Variants in MARK1 observed in about 807,000 individuals in gnomAD.
The protein encoded by MARK1 is serine/threonine-protein kinase MARK1.
MARK1 carries 40 observed loss-of-function variants against 96.3 expected under a neutral mutation model. That is an observed-to-expected ratio of 0.42 (90% CI 0.32 to 0.54). The LOEUF (loss-of-function observed/expected upper bound fraction) is 0.54, where lower values mean the gene tolerates loss of function less well. Ranked by LOEUF, MARK1 falls within the 20% of genes least tolerant of loss-of-function variation. MARK1 has a pLI of 0.16. For missense variants in MARK1, 719 were observed against 984.6 expected (o/e 0.73, Z 3.61); for synonymous variants, 317 against 341.2 (o/e 0.93, Z 0.78).
chr1:220,543,527 T>C (rs1661283607), intron 1 of MARK1, among the ~76,000 whole-genome samples: 3 of 152,206 alleles, frequency 2.0e-5, no homozygotes, highest in Non-Finnish European at 4.4e-5. Flanking sequence ...CCTTGGACTG[T>C]AGTTTAGAGG....
intron 1 of MARK1, among the ~76,000 whole-genome samples, chr1:220,530,151 TCTA>T (rs946298045): frequency 8.5e-5 from 13 of 152,190 alleles, no homozygotes; most frequent in African/African-American, 3.1e-4. Flanking sequence ...GAGAAGAAAT[TCTA>T]CTAAGAGACC....
At position 220,565,558 on chromosome 1, in the gene MARK1, A is replaced by G. The variant is rs1890108; in HGVS notation, c.52-13796A>G. Among the ~76,000 whole-genome samples the G allele has an allele frequency of 3.9e-3, 590 of 152,082 alleles. 21 individuals carry two copies. In the East Asian group the frequency reaches 0.087, roughly 23 times the overall value. On this transcript the variant is annotated intron_variant, in intron 1 of 17. Coordinates refer to ENST00000366917, the MANE Select transcript of MARK1 (RefSeq NM_018650.5). Reference sequence around the variant, plus strand: ...AGCCCCTGGTCTTGGATTGCCTATGAAGAGCGGGGGTCGGGGGGAGGGAGG... The same window carrying G: ...AGCCCCTGGTCTTGGATTGCCTATGGAGAGCGGGGGTCGGGGGGAGGGAGG...
chr1:220,614,018 T>C (rs918863074), intron 6 of MARK1, among the ~76,000 whole-genome samples: 1 of 152,198 alleles, frequency 6.6e-6, no homozygotes, highest in Non-Finnish European at 1.5e-5. Context: ...TGTTTGTTTG[T>C]TGTTTTTGAG....
chr1:220,614,841 A>G (rs1225441760), intron 6 of MARK1, among the ~76,000 whole-genome samples: 3 of 152,136 alleles, frequency 2.0e-5, no homozygotes, highest in East Asian at 3.8e-4. Context: ...AACCATTTTA[A>G]TATACATTAG....
chr1:220,606,123 T>G (rs980848687), intron 6 of MARK1, among the ~76,000 whole-genome samples: 19 of 152,212 alleles, frequency 1.2e-4, no homozygotes, highest in Admixed American at 3.9e-4. Flanking sequence ...TAATTTACAC[T>G]CCCACCCACA....
At chr1:220,648,076 AG>A (rs1363523390) in intron 13 of MARK1, among the ~76,000 whole-genome samples, 6 of 151,912 alleles carry the variant, frequency 3.9e-5, no homozygotes, top group Admixed American at 3.9e-4. Context: ...AAAAAAAAAA[AG>A]AAACAACATT....
At chr1:220,627,808 G>A (rs551100993) in intron 9 of MARK1, 2 of 154,596 alleles carry the variant, frequency 1.3e-5, no homozygotes, top group African/African-American at 4.8e-5. Flanking sequence ...TTCTAGAAGG[G>A]GTGGCCAGGT....
intron 3 of MARK1, among the ~76,000 whole-genome samples, chr1:220,593,819 T>A (rs550865318): frequency 5.3e-5 from 8 of 152,112 alleles, no homozygotes; most frequent in Non-Finnish European, 1.2e-4. Context: ...CTGTTGTCAG[T>A]CCTGGGTAGG....
intron 1 of MARK1, among the ~76,000 whole-genome samples, chr1:220,530,154 A>G (rs1004075571): frequency 6.6e-6 from 1 of 152,214 alleles, no homozygotes; most frequent in African/African-American, 2.4e-5. Context: ...AAGAAATTCT[A>G]CTAAGAGACC....
intron 13 of MARK1, among the ~76,000 whole-genome samples, chr1:220,642,078 A>G (rs1334167701): frequency 6.6e-6 from 1 of 152,162 alleles, no homozygotes; most frequent in African/African-American, 2.4e-5. Flanking sequence ...CCAGAAAGGC[A>G]AGAGATTTGT....
chr1:220,610,968 C>CCTGGGACA (rs1666405397), intron 6 of MARK1, among the ~76,000 whole-genome samples: 2 of 152,260 alleles, frequency 1.3e-5, no homozygotes, highest in South Asian at 4.2e-4. Flanking sequence ...GGGGCAGCCA[C>CCTGGGACA]CTATATGAGG....
At chr1:220,604,388 T>G (rs1365303361) in intron 6 of MARK1, among the ~76,000 whole-genome samples, 2 of 152,064 alleles carry the variant, frequency 1.3e-5, no homozygotes, top group Non-Finnish European at 2.9e-5. Context: ...ATTAAGACTC[T>G]CTGAGAGTCC....
In MARK1 at chr1:220,549,921, T is replaced by C. The variant is rs542760979; in HGVS notation, c.51+21048T>C. On this transcript the variant is annotated intron_variant, in intron 1 of 17. Transcript: ENST00000366917. The stretch of plus-strand genomic sequence containing the variant: ...TGTAATAATAGATGTTCAGTAATGG[T>C]ATCAAAGAAGCAAGGAATCAAACCA... 3.3e-5 allele frequency among the ~76,000 whole-genome samples: 5 copies of C among 152,352 alleles called. No individual in the cohort carries two copies. In the East Asian group the frequency reaches 9.6e-4, roughly 29 times the overall value.
At chr1:220,560,524 C>T (rs1662596030) in intron 1 of MARK1, among the ~76,000 whole-genome samples, 1 of 152,102 alleles carries the variant, frequency 6.6e-6, no homozygotes, top group African/African-American at 2.4e-5. Flanking sequence ...TGCACTTGGA[C>T]CATTACGAAG....
rs113693116 is a variant in MARK1, at chr1:220,582,465, G to A, written c.309+1347G>A. 1.9e-4 allele frequency among the ~76,000 whole-genome samples: 29 copies of A among 152,256 alleles called. 1 individual carries two copies. Among genetic ancestry groups the A allele is most frequent in the African/African-American group, 7.0e-4 (29 of 41,550 alleles). ...GTAGGACATATCTTTGCCTACCCCT[G>A]TGCTGGGAACCCACTTAAAATGCAC... On this transcript the variant is annotated intron_variant, in intron 3 of 17. Transcript: ENST00000366917.
intron 1 of MARK1, among the ~76,000 whole-genome samples, chr1:220,574,378 T>G (rs1410930410): frequency 6.6e-6 from 1 of 152,238 alleles, no homozygotes; most frequent in East Asian, 1.9e-4. Flanking sequence ...CACCTGCAAT[T>G]AATATACAAA....
intron 13 of MARK1, among the ~76,000 whole-genome samples, chr1:220,639,964 A>T (rs1342850320): frequency 2.0e-5 from 3 of 152,220 alleles, no homozygotes; most frequent in Non-Finnish European, 1.5e-5. Context: ...TCTATTGGTG[A>T]CATTGATGGT....
intron 6 of MARK1, among the ~76,000 whole-genome samples, chr1:220,605,849 CT>C (rs915401787): frequency 6.6e-6 from 1 of 152,060 alleles, no homozygotes; most frequent in East Asian, 1.9e-4. Flanking sequence ...GAAACTTATC[CT>C]TTTTTATGGC....
chr1:220,593,122 G>T (rs971372382), intron 3 of MARK1, among the ~76,000 whole-genome samples: 1 of 151,712 alleles, frequency 6.6e-6, no homozygotes, highest in Non-Finnish European at 1.5e-5. Flanking sequence ...ACATAATAAT[G>T]CTACTTATAT....
Sources: allele counts gnomAD v4.1 joint callset (sites outside exome capture counted in the v4.1 genomes callset), GRCh38; gene constraint gnomAD v4.1.1; transcripts MANE v1.5; gene names NCBI Gene and HGNC (gene_info 2026-07-23, HGNC 2026-07-21).